Variants in PTPRG observed in about 807,000 individuals in gnomAD.
PTPRG encodes protein tyrosine phosphatase receptor type G.
In PTPRG, 102 loss-of-function variants were observed where a neutral mutation model predicts 165.3. That is an observed-to-expected ratio of 0.62 (90% CI 0.53 to 0.73). The LOEUF is 0.73. PTPRG is among the 30% of genes least tolerant of loss of function. The pLI, the probability that PTPRG is intolerant of heterozygous loss-of-function variation, is 0.00. For missense variants in PTPRG, 1,866 were observed against 1,861.4 expected (o/e 1.00, Z -0.05); for synonymous variants, 675 against 669.5 (o/e 1.01, Z -0.13).
chr3:61,743,159 C>CT (rs2033068310), intron 1 of PTPRG: 5 of 945,030 alleles, frequency 5.3e-6, no homozygotes, highest in Non-Finnish European at 8.3e-6. Context: ...ATATTTTTAT[C>CT]TTTTTTTGCT....
chr3:62,208,214 T>C (rs573352606), intron 12 of PTPRG, among the ~76,000 whole-genome samples: 4 of 152,232 alleles, frequency 2.6e-5, no homozygotes, highest in Admixed American at 2.0e-4. Context: ...AGCGTTTCTT[T>C]AGTGCAAAGC....
At chr3:62,051,747 A>G (rs1293747200) in intron 4 of PTPRG, among the ~76,000 whole-genome samples, 2 of 152,218 alleles carry the variant, frequency 1.3e-5, no homozygotes, top group African/African-American at 4.8e-5. Flanking sequence ...ATTAAAAGAA[A>G]GCTGTGTTAA....
intron 1 of PTPRG, among the ~76,000 whole-genome samples, chr3:61,738,311 T>TATAC (rs2032829615): frequency 1.2e-5 from 1 of 81,476 alleles, no homozygotes; most frequent in East Asian, 2.9e-4. Flanking sequence ...TATATATATA[T>TATAC]ACATATATAT....
chr3:62,103,610 T>C (rs2106833880), intron 5 of PTPRG, among the ~76,000 whole-genome samples: 1 of 152,356 alleles, frequency 6.6e-6, no homozygotes, highest in East Asian at 1.9e-4. Context: ...TGCCTTCTCC[T>C]ACAGATAGAT....
chr3:61,900,382 C>T (rs527549314), intron 2 of PTPRG, among the ~76,000 whole-genome samples: 2 of 152,252 alleles, frequency 1.3e-5, no homozygotes, highest in South Asian at 2.1e-4. Flanking sequence ...CCCTCCTTCC[C>T]AATCTCTCAA....
At chr3:61,911,718 T>A (rs1231543822) in intron 2 of PTPRG, among the ~76,000 whole-genome samples, 1 of 152,180 alleles carries the variant, frequency 6.6e-6, no homozygotes, top group African/African-American at 2.4e-5. Flanking sequence ...TGGTATAAAT[T>A]AATTTCTTTT....
intron 2 of PTPRG, among the ~76,000 whole-genome samples, chr3:61,927,981 A>G (rs570790837): frequency 3.1e-4 from 47 of 152,212 alleles, no homozygotes; most frequent in Admixed American, 1.5e-3. Context: ...GCCATCTGTA[A>G]CTCAGGTGAT....
At chr3:61,707,847 G>A (rs2031341531) in intron 1 of PTPRG, among the ~76,000 whole-genome samples, 2 of 152,224 alleles carry the variant, frequency 1.3e-5, no homozygotes, top group South Asian at 4.2e-4. Context: ...GGAGTGCAGT[G>A]GTGTGAACAT....
At chr3:62,036,843 G>C (rs1056441201) in intron 4 of PTPRG, among the ~76,000 whole-genome samples, 1 of 151,986 alleles carries the variant, frequency 6.6e-6, no homozygotes, top group African/African-American at 2.4e-5. Context: ...GCAAATCATC[G>C]GGCCCTCCAG....
chr3:62,181,856 G>A (rs1265274302), intron 8 of PTPRG, among the ~76,000 whole-genome samples: 3 of 152,144 alleles, frequency 2.0e-5, no homozygotes, highest in Non-Finnish European at 4.4e-5. Context: ...TGATGAACAT[G>A]AAGGAAATTT....
chr3:62,192,629 T>C (rs1255526616), intron 9 of PTPRG, among the ~76,000 whole-genome samples: 1 of 151,912 alleles, frequency 6.6e-6, no homozygotes, highest in African/African-American at 2.4e-5. Flanking sequence ...GCCAGGATGG[T>C]CTCCATCTCC....
In PTPRG at chr3:62,044,969, T is replaced by C. The variant is rs1002851674; in HGVS notation, c.520-33194T>C. On this transcript the variant is annotated intron_variant, in intron 4 of 29. Coordinates refer to ENST00000474889, the MANE Select transcript of PTPRG (RefSeq NM_002841.4). ...GTAATTATTTTAAATTAAATAGCAT[T>C]GTGGTGGAGGAGAGGACAAAAGAGT... is the stretch of plus-strand genomic sequence containing the variant. 3.3e-5 allele frequency among the ~76,000 whole-genome samples: 5 copies of C among 152,154 alleles called. No homozygotes were observed. In the South Asian group the frequency reaches 1.0e-3, roughly 31 times the overall value.
chr3:62,284,229 A>T (rs1206377412), intron 28 of PTPRG, among the ~76,000 whole-genome samples: 2 of 152,172 alleles, frequency 1.3e-5, no homozygotes. Context: ...GTAAGGAAAG[A>T]GGAAAAGAAA....
chr3:61,892,545 G>T (rs149260066), intron 2 of PTPRG, among the ~76,000 whole-genome samples: 1 of 152,238 alleles, frequency 6.6e-6, no homozygotes, highest in East Asian at 1.9e-4. Context: ...GGTCAGGCGC[G>T]GTGGCTCATG....
chr3:62,181,496 A>C (rs981848405), intron 8 of PTPRG, among the ~76,000 whole-genome samples: 1 of 152,046 alleles, frequency 6.6e-6, no homozygotes, highest in African/African-American at 2.4e-5. Flanking sequence ...TTTCAGTTCA[A>C]ACTATGCTCA....
chr3:62,068,743 A>C (rs1462753976), intron 4 of PTPRG, among the ~76,000 whole-genome samples: 3 of 152,120 alleles, frequency 2.0e-5, no homozygotes, highest in Admixed American at 2.0e-4. Context: ...GATCTCAAAA[A>C]CATCCTGGCA....
chr3:62,237,943 G>A lies in PTPRG; in HGVS notation c.2376-5864G>A, dbSNP rs1346810745. Among the ~76,000 whole-genome samples, 9 of 152,196 alleles carry A rather than the reference G, an allele frequency of 5.9e-5. No homozygotes were observed. The highest frequency in any genetic ancestry group is 1.9e-4 in the African/African-American group (8 of 41,448). ...GCCCGTGTTTGGTTTTCTAAAAAGGGATGAACGAATGGAGAGTAACATAGG... is the reference window on the plus strand; with the variant it reads ...GCCCGTGTTTGGTTTTCTAAAAAGGAATGAACGAATGGAGAGTAACATAGG... On this transcript the variant is annotated intron_variant, in intron 14 of 29. Coordinates refer to ENST00000474889, the MANE Select transcript of PTPRG (RefSeq NM_002841.4). The surrounding 1 kb of genome is among the most constrained non-coding windows in gnomAD (Gnocchi z 4.5).
chr3:62,163,577 G>T (rs927110248), intron 7 of PTPRG, among the ~76,000 whole-genome samples: 2 of 152,194 alleles, frequency 1.3e-5, no homozygotes, highest in Non-Finnish European at 2.9e-5. Flanking sequence ...CATGTCATAG[G>T]TTTGATAAAT....
At chr3:61,710,715 A>G (rs1165731429) in intron 1 of PTPRG, among the ~76,000 whole-genome samples, 1 of 152,102 alleles carries the variant, frequency 6.6e-6, no homozygotes, top group Non-Finnish European at 1.5e-5. Flanking sequence ...AGGGAAGCTA[A>G]AAGATTGGAT....
Sources: gnomAD v4.1 joint callset for allele counts (sites outside exome capture counted in the v4.1 genomes callset) on GRCh38, gnomAD v4.1.1 for gene constraint, Gnocchi (gnomAD v3.1) non-coding constraint, MANE v1.5 for transcripts, NCBI Gene and HGNC (gene_info 2026-07-23, HGNC 2026-07-21) for gene names.